The following ANKRD28 variants were observed in gnomAD, a reference collection of about 807,000 sequenced individuals.
ANKRD28 encodes serine/threonine-protein phosphatase 6 regulatory ankyrin repeat subunit A.
In ANKRD28, 44 loss-of-function variants were observed where a neutral mutation model predicts 126.5. The ratio of observed to expected loss-of-function variants is 0.35; its 90% CI spans 0.27 to 0.45. ANKRD28 has a LOEUF of 0.45. ANKRD28 is among the 20% of genes least tolerant of loss of function. The pLI is 1.00. For missense variants in ANKRD28, 1,110 were observed against 1,316.6 expected (o/e 0.84, Z 2.43); for synonymous variants, 442 against 468.5 (o/e 0.94, Z 0.73).
chr3:15,824,782 C>T (rs2061022838), intron 1 of ANKRD28, among the ~76,000 whole-genome samples: 1 of 152,100 alleles, frequency 6.6e-6, no homozygotes, highest in African/African-American at 2.4e-5. Context: ...AAACGACTTA[C>T]TTTTACAGAA....
At chr3:15,803,806 T>A (rs1419599804) in intron 1 of ANKRD28, among the ~76,000 whole-genome samples, 1 of 144,040 alleles carries the variant, frequency 6.9e-6, no homozygotes, top group Non-Finnish European at 1.5e-5. Context: ...TGAAGAATGT[T>A]ACTTGTTACA....
chr3:15,824,633 T>A (rs2061019140), intron 1 of ANKRD28, among the ~76,000 whole-genome samples: 1 of 152,124 alleles, frequency 6.6e-6, no homozygotes, highest in South Asian at 2.1e-4. Flanking sequence ...TAGGAAAAAA[T>A]TAGCTCTGAT....
At chr3:15,691,080 T>C (rs1306004344) in intron 17 of ANKRD28, among the ~76,000 whole-genome samples, 1 of 151,588 alleles carries the variant, frequency 6.6e-6, no homozygotes, top group African/African-American at 2.4e-5. Context: ...GGCATTGTCC[T>C]AGCTGTACAA....
At chr3:15,713,671 G>A (rs776552607) in intron 9 of ANKRD28, 30 bp from the exon 10 acceptor site, 1 of 1,453,490 alleles carries the variant, frequency 6.9e-7, no homozygotes, top group South Asian at 1.3e-5. Context: ...GTCAGACACT[G>A]GACCATATAA....
At chr3:15,811,905 G>T (rs1319564796) in intron 1 of ANKRD28, among the ~76,000 whole-genome samples, 1 of 151,928 alleles carries the variant, frequency 6.6e-6, no homozygotes. Flanking sequence ...TGTAATCCCA[G>T]CACTTTGGGA....
intron 3 of ANKRD28, among the ~76,000 whole-genome samples, chr3:15,765,256 T>TAGAC (rs1159257417): frequency 6.6e-5 from 10 of 152,256 alleles, no homozygotes; most frequent in African/African-American, 2.4e-4. Context: ...TATTCTATCA[T>TAGAC]AGACAGTTCT....
At chr3:15,716,834 T>C (rs777918474) in intron 8 of ANKRD28, among the ~76,000 whole-genome samples, 1 of 152,174 alleles carries the variant, frequency 6.6e-6, no homozygotes, top group African/African-American at 2.4e-5. Flanking sequence ...CGGTGGCTCA[T>C]ATCTATAATT....
chr3:15,779,746 A>C (rs566332322), intron 2 of ANKRD28, among the ~76,000 whole-genome samples: 1 of 152,202 alleles, frequency 6.6e-6, no homozygotes, highest in Non-Finnish European at 1.5e-5. Context: ...GTATTTTAGA[A>C]TCTAGTTATT....
In ANKRD28 at chr3:15,675,997, A is replaced by T. The variant is rs1449639997; in HGVS notation, c.2874-8T>A. 3 of 1,607,026 alleles carry T rather than the reference A, an allele frequency of 1.9e-6. No individual in the cohort carries two copies. The South Asian group carries it at 3.3e-5, about 18-fold the overall frequency. ...GCAGCAACATGCAGAGGTCTAGGGG[A>T]AAAAACATGATACATGTACACATAT... On this transcript the variant is annotated splice_polypyrimidine_tract_variant and splice_region_variant and intron_variant, in intron 26 of 27. Coordinates refer to ENST00000683139, the MANE Select transcript of ANKRD28 (RefSeq NM_001349278.2).
At chr3:15,819,188 G>A (rs1049138450) in intron 1 of ANKRD28, among the ~76,000 whole-genome samples, 3 of 152,154 alleles carry the variant, frequency 2.0e-5, no homozygotes, top group African/African-American at 7.2e-5. Context: ...TGAGGTGGGA[G>A]GATTGCTTGA....
chr3:15,854,286 C>G lies in ANKRD28; in HGVS notation c.27+5091G>C, dbSNP rs574100090. Reference sequence around the variant, plus strand: ...TTATCTTCTCTTTTCCAACTACACACTCCAATCAAGACTATCTCCTGATTA... The same window carrying G: ...TTATCTTCTCTTTTCCAACTACACAGTCCAATCAAGACTATCTCCTGATTA... On this transcript the variant is annotated intron_variant, in intron 1 of 27. Transcript: ENST00000399451. This position sits in a 1 kb window ranked among gnomAD's most constrained non-coding sequence, Gnocchi z 4.1. 1.3e-3 allele frequency among the ~76,000 whole-genome samples: 196 copies of G among 152,334 alleles called. No individual in the cohort carries two copies. Among genetic ancestry groups the G allele is most frequent in the African/African-American group, 4.1e-3 (172 of 41,572 alleles).
At chr3:15,766,392 AC>A in intron 2 of ANKRD28, 80 bp from the exon 3 acceptor site, 1 of 966,512 alleles carries the variant, frequency 1.0e-6, no homozygotes, top group Non-Finnish European at 1.6e-6. Context: ...CACAACAACA[AC>A]CCCTCCCCCC....
chr3:15,852,199 T>G (rs1008513609), intron 1 of ANKRD28, among the ~76,000 whole-genome samples: 1 of 152,220 alleles, frequency 6.6e-6, no homozygotes, highest in African/African-American at 2.4e-5. Context: ...GTGAATTACA[T>G]CTCAATAATG....
At position 15,678,283 on chromosome 3, in the gene ANKRD28, T is replaced by G. The variant is rs752589114; in HGVS notation, c.2633A>C (p.Gln878Pro). Residue 878 changes from glutamine (Q) to proline (P), a missense_variant, in exon 24 of 28, where the codon CAA becomes CCA. Physicochemically the swap from Gln to Pro is moderately conservative, Grantham distance 76. Transcript: ENST00000683139. ...CCCTGTAGAGTCCACAGAATTGACT[T>G]GAGCATTATGGCTGAGCAGCAGCTG... Reference protein sequence around the residue: ...CLQLLLSHNAQVNSVDSTGKT... With the variant: ...CLQLLLSHNAPVNSVDSTGKT... The G allele has an allele frequency of 3.8e-5, 62 of 1,613,034 alleles. No homozygotes were observed. The highest frequency in any genetic ancestry group is 5.2e-5 in the Non-Finnish European group (61 of 1,179,644).
At position 15,850,224 on chromosome 3, in the gene ANKRD28, T is replaced by TAGAGAGAGAGAGAG. The variant is rs375278547; in HGVS notation, c.27+9139_27+9152dup. 6.6e-3 allele frequency among the ~76,000 whole-genome samples: 230 copies of TAGAGAGAGAGAGAG among 35,098 alleles called. 6 individuals are homozygous for TAGAGAGAGAGAGAG. The highest frequency in any genetic ancestry group is 9.8e-3 in the Non-Finnish European group (165 of 16,756). 23.0% of individuals were successfully genotyped at this position (35,098 alleles called of 152,430 possible). A position where few individuals can be genotyped will look rare whatever the true frequency, so the allele number is the denominator to read the frequency against. On this transcript the variant is annotated intron_variant, in intron 1 of 27. Coordinates refer to the ANKRD28 transcript ENST00000399451. ...AAAAAAATATATATATATATATATA[T>TAGAGAGAGAGAGAG]AGAGAGAGAGAGAGAGAGAGAGAGA...
In ANKRD28 at chr3:15,724,392, A is replaced by G. The variant is rs1227212153; in HGVS notation, c.773T>C (p.Leu258Pro). Residue 258 changes from leucine to proline, a missense_variant, in exon 7 of 28, where the codon CTT (leucine) becomes CCT (proline). Coordinates refer to ENST00000683139, the MANE Select transcript of ANKRD28 (RefSeq NM_001349278.2). Reference protein sequence around the residue: ...MISVVKYLLDLGVDMNEPNAY... With the variant: ...MISVVKYLLDPGVDMNEPNAY... Reference sequence around the variant, plus strand: ...AATTAATATACCTACATCAACTCCAAGATCTAGAAGGTACTTGACTACGCT... The same window carrying G: ...AATTAATATACCTACATCAACTCCAGGATCTAGAAGGTACTTGACTACGCT... 1 of 1,605,364 alleles carries G rather than the reference A, an allele frequency of 6.2e-7. No homozygotes were observed. The highest frequency in any genetic ancestry group is 8.5e-7 in the Non-Finnish European group (1 of 1,175,672).
chr3:15,676,949 TATA>T, intron 26 of ANKRD28, 22 bp downstream of exon 26: 1 of 1,582,454 alleles, frequency 6.3e-7, no homozygotes, highest in Non-Finnish European at 8.7e-7. Context: ...TCACAAAGTT[TATA>T]CTAGATACTG....
At chr3:15,698,394 A>G (rs923045455) in intron 14 of ANKRD28, among the ~76,000 whole-genome samples, 2 of 152,216 alleles carry the variant, frequency 1.3e-5, no homozygotes, top group South Asian at 4.1e-4. Context: ...GGCTAGGGCA[A>G]TCAGGCAAGA....
In ANKRD28 at chr3:15,696,362, C is replaced by A. The variant is rs2069552027; in HGVS notation, c.1548-117G>T. On this transcript the variant is annotated intron_variant, in intron 14 of 27. Transcript: ENST00000683139. ...TCTTATACTTGAGTAATATAAAAAT[C>A]ATAAATGTATTACACTATAAAAATG... 4 of 618,374 alleles carry A rather than the reference C, an allele frequency of 6.5e-6. No homozygotes were observed. The East Asian group carries it at 8.6e-5, about 13-fold the overall frequency. The allele number at this position is 618,374 out of a possible 1,614,324, so 38.3% of individuals were successfully genotyped here. A position where few individuals can be genotyped will look rare whatever the true frequency, so the allele number is the denominator to read the frequency against.
Sources: gnomAD v4.1 joint callset for allele counts (sites outside exome capture counted in the v4.1 genomes callset) on GRCh38, gnomAD v4.1.1 for gene constraint, Gnocchi (gnomAD v3.1) non-coding constraint, MANE v1.5 for transcripts, NCBI Gene and HGNC (gene_info 2026-07-23, HGNC 2026-07-21) for gene names.